The following FLNB variants were observed in gnomAD, a reference collection of about 807,000 sequenced individuals.
FLNB encodes the protein filamin-B.
FLNB carries 111 observed loss-of-function variants against 250.6 expected under a neutral mutation model. The ratio of observed to expected loss-of-function variants is 0.44; its 90% CI spans 0.38 to 0.52. The LOEUF is 0.52. Ranked by LOEUF, FLNB falls within the 20% of genes least tolerant of loss-of-function variation. FLNB has a pLI of 0.00. For synonymous variants in FLNB, 1,302 were observed against 1,372.1 expected (o/e 0.95, Z 1.13); for missense variants, 2,869 against 3,447.8 (o/e 0.83, Z 4.20).
chr3:58,010,876 A>AT (rs1020604502), intron 1 of FLNB, among the ~76,000 whole-genome samples: 1 of 151,278 alleles, frequency 6.6e-6, no homozygotes, highest in Admixed American at 6.6e-5. Context: ...TTTTGTCTAC[A>AT]TTTTTTTACA....
chr3:58,031,058 A>G (rs1481500950), intron 1 of FLNB, among the ~76,000 whole-genome samples: 2 of 152,336 alleles, frequency 1.3e-5, no homozygotes, highest in East Asian at 1.9e-4. Context: ...GGGAATGATC[A>G]TTACCAAACT....
At chr3:58,093,372 G>A (rs747818542) in intron 4 of FLNB, among the ~76,000 whole-genome samples, 2 of 152,150 alleles carry the variant, frequency 1.3e-5, no homozygotes, top group African/African-American at 2.4e-5. Flanking sequence ...TCACGTAGGC[G>A]TGATTGACAT....
At chr3:58,079,548 G>C (rs945312670) in intron 3 of FLNB, among the ~76,000 whole-genome samples, 1 of 152,210 alleles carries the variant, frequency 6.6e-6, no homozygotes, top group Non-Finnish European at 1.5e-5. Context: ...ACTGTGCCTG[G>C]CCGACTTAAA....
intron 19 of FLNB, 99 bp downstream of exon 19, chr3:58,119,088 T>C: frequency 1.1e-6 from 1 of 908,302 alleles, no homozygotes. Context: ...GAGAAGCAAA[T>C]TCTATGTTAA....
At position 58,146,960 on chromosome 3, in the gene FLNB, A is replaced by C. The variant is rs776474063; in HGVS notation, c.5695A>C (p.Ile1899Leu). Residue 1899 changes from isoleucine to leucine, a missense_variant, in exon 34 of 46, where the codon ATC becomes CTC. Ile to Leu is a conservative substitution (Grantham distance 5, BLOSUM62 2). Around this residue, in one of 5 missense-constraint regions of FLNB, gnomAD observed 1,084 missense variants for 1,315.5 expected, o/e 0.82. Transcript: ENST00000295956. ...TCTGGTCAAGTACAATGACAAGCACATCCCTGGCAGCCCCTTCACAGCCAA... is the reference window on the plus strand; with the variant it reads ...TCTGGTCAAGTACAATGACAAGCACCTCCCTGGCAGCCCCTTCACAGCCAA... Reference protein sequence around the residue: ...SILVKYNDKHIPGSPFTAKIT... With the variant: ...SILVKYNDKHLPGSPFTAKIT... 7 of 1,614,144 alleles carry C rather than the reference A, an allele frequency of 4.3e-6. No individual in the cohort carries two copies. Among genetic ancestry groups the C allele is most frequent in the Non-Finnish European group, 5.9e-6 (7 of 1,180,032 alleles).
chr3:58,022,064 C>A (rs2097114973), intron 1 of FLNB, among the ~76,000 whole-genome samples: 1 of 152,188 alleles, frequency 6.6e-6, no homozygotes, highest in Non-Finnish European at 1.5e-5. Context: ...TGAGCCACCT[C>A]ACTTGGCCAC....
intron 8 of FLNB, among the ~76,000 whole-genome samples, chr3:58,100,385 T>TATATATATATATATATATATATA (rs71091344): frequency 2.8e-4 from 36 of 128,058 alleles, no homozygotes; most frequent in Non-Finnish European, 4.0e-4. Flanking sequence ...TATATATATA[T>TATATATATATATATATATATATA]TTGCAGGGGC....
At chr3:58,135,085 G>A (rs902361940) in intron 27 of FLNB, among the ~76,000 whole-genome samples, 1 of 152,066 alleles carries the variant, frequency 6.6e-6, no homozygotes, top group Non-Finnish European at 1.5e-5. Context: ...ACTCTCTTGG[G>A]TTCAAGCAGT....
At chr3:58,119,079 A>G in intron 19 of FLNB, 90 bp downstream of exon 19, 1 of 960,864 alleles carries the variant, frequency 1.0e-6, no homozygotes, top group Non-Finnish European at 1.7e-6. Context: ...AAATTTGCAG[A>G]GAAGCAAATT....
intron 1 of FLNB, among the ~76,000 whole-genome samples, chr3:58,075,748 G>A (rs1268097233): frequency 6.6e-6 from 1 of 152,176 alleles, no homozygotes; most frequent in African/African-American, 2.4e-5. Flanking sequence ...GGATAGAATT[G>A]ACACATTGTG....
Position 58,118,944 on chromosome 3 carries a change from G to A in FLNB, c.2818G>A (p.Ala940Thr), listed in dbSNP as rs1377086089. ...PKSPFTVGVA[A>T]PLDLSKIKLN... is the part of the protein sequence containing the mutation. ...AAGCCCTTTCACTGTGGGTGTTGCTGCACCGCTGGATCTGAGCAAGATAAA... is the reference window on the plus strand; with the variant it reads ...AAGCCCTTTCACTGTGGGTGTTGCTACACCGCTGGATCTGAGCAAGATAAA... The change falls in exon 19 of 46, where the codon GCA becomes ACA. Residue 940 changes from alanine (A) to threonine (T), a missense_variant. Ala to Thr is a moderately conservative substitution (Grantham distance 58). Around this residue, in one of 5 missense-constraint regions of FLNB, gnomAD observed 1,348 missense variants for 1,466.7 expected, o/e 0.92. Coordinates refer to ENST00000295956, the MANE Select transcript of FLNB (RefSeq NM_001457.4). 2 of 1,613,966 alleles carry A rather than the reference G, an allele frequency of 1.2e-6. No individual in the cohort carries two copies. The highest frequency in any genetic ancestry group is 1.7e-6 in the Non-Finnish European group (2 of 1,179,960).
In FLNB at chr3:58,123,451, G is replaced by A; in HGVS notation, c.3485G>A (p.Gly1162Glu). ...CTTAGCGTCGACTGCTCGGAAGCGG[G>A]ACCGGGGGCCCTGGGCCTGGAAGCT... ...GLLSVDCSEA[G>E]PGALGLEAVS... The change falls in exon 21 of 46, where the codon GGA becomes GAA. Residue 1162 changes from glycine to glutamate, a missense_variant. By Grantham distance (98) the Gly-to-Glu change is moderately conservative (BLOSUM62 -2). This residue lies in a region of FLNB where 1,348 missense variants were observed against 1,466.7 expected (regional missense o/e 0.92). Transcript: ENST00000295956. The A allele has an allele frequency of 6.2e-7, 1 of 1,609,860 alleles. No individual in the cohort carries two copies. The highest frequency in any genetic ancestry group is 8.5e-7 in the Non-Finnish European group (1 of 1,176,896).
In FLNB at chr3:58,148,230, T is replaced by C; in HGVS notation, c.5753T>C (p.Val1918Ala). 6.2e-7 allele frequency: 1 copy of C among 1,614,218 alleles called. No homozygotes were observed. Among genetic ancestry groups the C allele is most frequent in the Non-Finnish European group, 8.5e-7 (1 of 1,180,042 alleles). ...GATGACAGCAGGCGGTGCTCCCAGG[T>C]GAAGTTGGGCTCAGCCGCTGACTTC... ...ITDDSRRCSQ[V>A]KLGSAADFLL... The change falls in exon 35 of 46, where the codon GTG becomes GCG. Residue 1918 changes from valine (V) to alanine (A), a missense_variant. Physicochemically the swap from Val to Ala is moderately conservative, Grantham distance 64. Around this residue, in one of 5 missense-constraint regions of FLNB, gnomAD observed 1,084 missense variants for 1,315.5 expected, o/e 0.82. Coordinates refer to ENST00000295956, the MANE Select transcript of FLNB (RefSeq NM_001457.4).
Position 58,154,872 on chromosome 3 carries a change from C to T in FLNB, c.6716C>T (p.Thr2239Ile), listed in dbSNP as rs771430559. The stretch of plus-strand genomic sequence containing the variant: ...GAGGGCCCCAGTAAGGCCGAGATTA[C>T]ATTCGATGACCATAAAAATGGGTCG... ...AVEGPSKAEI[T>I]FDDHKNGSCG... is the part of the protein sequence containing the mutation. Residue 2239 changes from threonine (T) to isoleucine (I), a missense_variant, in exon 40 of 46, where the codon ACA (threonine) becomes ATA (isoleucine). Thr to Ile is a moderately conservative substitution (Grantham distance 89). This residue lies in a region of FLNB where 1,084 missense variants were observed against 1,315.5 expected (regional missense o/e 0.82). Transcript: ENST00000295956. The T allele has an allele frequency of 1.9e-6, 3 of 1,614,072 alleles. No homozygotes were observed. The highest frequency in any genetic ancestry group is 2.7e-5 in the African/African-American group (2 of 75,042).
intron 1 of FLNB, among the ~76,000 whole-genome samples, chr3:58,069,855 C>T (rs1015831217): frequency 6.6e-6 from 1 of 151,568 alleles, no homozygotes; most frequent in Non-Finnish European, 1.5e-5. Context: ...CCTGTTAATT[C>T]ACAAGGTACT....
intron 1 of FLNB, among the ~76,000 whole-genome samples, chr3:58,050,688 C>G (rs76291946): frequency 0.057 from 8,681 of 152,250 alleles, 788 homozygotes; most frequent in African/African-American, 0.2. Context: ...CTCCATCCCA[C>G]CTGACATTCA....
rs555516913 is a variant in FLNB, at chr3:58,142,109, G to A, written c.5181+180G>A. On this transcript the variant is annotated intron_variant, in intron 30 of 45. Coordinates refer to ENST00000295956, the MANE Select transcript of FLNB (RefSeq NM_001457.4). The surrounding 1 kb of genome is among the most constrained non-coding windows in gnomAD (Gnocchi z 4.3). ...TTTTCTGTAATAAGATCACCTTTGC[G>A]TCACCATCCGTGCTCCACGAATCGC... Among the ~76,000 whole-genome samples the A allele has an allele frequency of 5.3e-5, 8 of 152,072 alleles. No homozygotes were observed. The highest frequency in any genetic ancestry group is 9.7e-5 in the African/African-American group (4 of 41,388).
At chr3:58,019,612 T>G (rs910546172) in intron 1 of FLNB, among the ~76,000 whole-genome samples, 29 of 152,250 alleles carry the variant, frequency 1.9e-4, no homozygotes, top group African/African-American at 7.0e-4. Flanking sequence ...TTTCACACTC[T>G]GTAAAGTAAA....
intron 18 of FLNB, among the ~76,000 whole-genome samples, chr3:58,118,612 A>C (rs1032783660): frequency 6.6e-6 from 1 of 152,256 alleles, no homozygotes; most frequent in African/African-American, 2.4e-5. Context: ...GCATAAAAGC[A>C]CATAGCATGG....
Sources: gnomAD v4.1 joint callset for allele counts (sites outside exome capture counted in the v4.1 genomes callset) on GRCh38, gnomAD v4.1.1 for gene constraint, gnomAD v4.1.1 regional missense constraint, Gnocchi (gnomAD v3.1) non-coding constraint, MANE v1.5 for transcripts, NCBI Gene and HGNC (gene_info 2026-07-23, HGNC 2026-07-21) for gene names.